The following RRM2 variants were observed in gnomAD, a reference collection of about 807,000 sequenced individuals.
RRM2 encodes ribonucleotide reductase regulatory subunit M2.
Under a neutral mutation model 45.9 loss-of-function variants are expected in RRM2, and 6 were observed. The ratio of observed to expected loss-of-function variants is 0.13; its 90% CI spans 0.07 to 0.26. The LOEUF (loss-of-function observed/expected upper bound fraction) is 0.26, where lower values mean the gene tolerates loss of function less well. Among genes scored for constraint, RRM2 ranks in the 10% least tolerant of loss-of-function variants. The pLI is 1.00. For synonymous variants in RRM2, 177 were observed against 173.0 expected, an observed-to-expected ratio of 1.02 and a Z score of -0.18; for missense variants, 343 against 489.5, an observed-to-expected ratio of 0.70 and a Z score of 2.82.
At position 10,195,314 on chromosome 2, in the gene RRM2, G is replaced by C. The variant is rs183284936; in HGVS notation, n.483-14997G>C. 5.3e-5 allele frequency among the ~76,000 whole-genome samples: 8 copies of C among 152,288 alleles called. No homozygotes were observed. Among genetic ancestry groups the C allele is most frequent in the African/African-American group, 1.9e-4 (8 of 41,566 alleles). On this transcript the variant is annotated intron_variant and non_coding_transcript_variant, in intron 3 of 3. Transcript: ENST00000381786. This position sits in a 1 kb window ranked among gnomAD's most constrained non-coding sequence, Gnocchi z 4.9. ...GGCAGCGGCTCAGGTGGTCCCAGGAGGATGGGTGGGGTTCGGAGGCAGAGG... is the reference window on the plus strand; with the variant it reads ...GGCAGCGGCTCAGGTGGTCCCAGGACGATGGGTGGGGTTCGGAGGCAGAGG...
upstream of RRM2, chr2:10,122,686 C>T (rs72542784): frequency 4.5e-6 from 7 of 1,550,606 alleles, no homozygotes; most frequent in East Asian, 1.2e-4. Flanking sequence ...ATGGGAAGGG[C>T]CGGGAGCGCG....
At chr2:10,156,340 C>G (rs1663426879) in intron 3 of RRM2, 1 of 152,196 alleles carries the variant, frequency 6.6e-6, no homozygotes, top group African/African-American at 2.4e-5. Context: ...GACAAGCTTG[C>G]TATAATGGAT....
At chr2:10,209,772 G>A (rs188012941) in intron 3 of RRM2, among the ~76,000 whole-genome samples, 31 of 152,308 alleles carry the variant, frequency 2.0e-4, no homozygotes, top group Admixed American at 5.2e-4. Context: ...AGCCAGAGAC[G>A]GATACAATCT....
At chr2:10,167,485 C>T (rs2125321105) in intron 3 of RRM2, among the ~76,000 whole-genome samples, 2 of 152,232 alleles carry the variant, frequency 1.3e-5, no homozygotes, top group East Asian at 3.9e-4. Flanking sequence ...GATGTGGTAG[C>T]TGGTGAGTGT....
rs1361617018 is a variant in RRM2 at position 10,172,627 on chromosome 2, T to A, written n.482+30252T>A. Reference sequence around the variant, plus strand: ...GCCCTCCGCATGGCATTAGAGAACATTCGCCTCCTGCTGGGTCGGCCCCTT... The same window carrying A: ...GCCCTCCGCATGGCATTAGAGAACAATCGCCTCCTGCTGGGTCGGCCCCTT... On this transcript the variant is annotated intron_variant and non_coding_transcript_variant, in intron 3 of 3. Coordinates refer to the RRM2 transcript ENST00000381786. The surrounding 1 kb of genome is among the most constrained non-coding windows in gnomAD (Gnocchi z 4.9). 6.6e-6 allele frequency among the ~76,000 whole-genome samples: 1 copy of A among 152,174 alleles called. No individual in the cohort carries two copies. Among genetic ancestry groups the A allele is most frequent in the Non-Finnish European group, 1.5e-5 (1 of 68,026 alleles).
chr2:10,193,381 G>C (rs1013465142), intron 3 of RRM2, among the ~76,000 whole-genome samples: 60 of 152,168 alleles, frequency 3.9e-4, no homozygotes, highest in African/African-American at 1.3e-3. Flanking sequence ...TCCTTCTCAC[G>C]AGGCTCTGTG....
In RRM2 at chr2:10,205,414, G is replaced by T. The variant is rs1664644938; in HGVS notation, n.483-4897G>T. 6.6e-6 allele frequency among the ~76,000 whole-genome samples: 1 copy of T among 152,182 alleles called. No homozygotes were observed. The highest frequency in any genetic ancestry group is 3.2e-3 in the Middle Eastern group (1 of 316). ...TCAGACTCAAGTCCAGCTTATTGGG[G>T]CTTATGAAGACTTCCACCTCATACA... is the stretch of plus-strand genomic sequence containing the variant. On this transcript the variant is annotated intron_variant and non_coding_transcript_variant, in intron 3 of 3. Transcript: ENST00000381786. The surrounding 1 kb of genome is among the most constrained non-coding windows in gnomAD (Gnocchi z 4.8).
rs1274370561 is a variant in RRM2, at chr2:10,126,929, C to T, written c.624C>T (p.Asp208=). ...ETMPCVKKKA[D]WALRWIGDKE... ...TGCCTTGTGTCAAGAAGAAGGCAGA[C>T]TGGGCCTTGCGCTGGATTGGGGACA... The change falls in exon 6 of 10, where the codon GAC becomes GAT. Residue 208 remains aspartate, a synonymous_variant. Coordinates refer to ENST00000304567, the MANE Select transcript of RRM2 (RefSeq NM_001034.4). The T allele has an allele frequency of 1.9e-6, 3 of 1,614,060 alleles. No homozygotes were observed. Among genetic ancestry groups the T allele is most frequent in the African/African-American group, 2.7e-5 (2 of 74,930 alleles).
At chr2:10,162,303 C>T (rs1453453563) in intron 3 of RRM2, among the ~76,000 whole-genome samples, 6 of 152,154 alleles carry the variant, frequency 3.9e-5, no homozygotes, top group South Asian at 2.1e-4. Flanking sequence ...TCAATCAAAA[C>T]GCTGCCACAG....
In RRM2 at chr2:10,131,281, C is replaced by A. The variant is rs1230269719; in HGVS notation, c.*1895C>A. 6.6e-6 allele frequency: 1 copy of A among 152,178 alleles called. No homozygotes were observed. The highest frequency in any genetic ancestry group is 1.5e-5 in the Non-Finnish European group (1 of 68,038). The allele number at this position is 152,178 out of a possible 1,614,324, so 9.4% of individuals were successfully genotyped here. A position where few individuals can be genotyped will look rare whatever the true frequency, so the allele number is the denominator to read the frequency against. ...GTTTTAGGATTCTGTCTCTCATTAG[C>A]TGAATAATGTGAGGATTAACTTCTG... On this transcript the variant is annotated 3_prime_UTR_variant, in exon 10 of 10. Coordinates refer to ENST00000304567, the MANE Select transcript of RRM2 (RefSeq NM_001034.4).
At chr2:10,173,643 G>T (rs769610173) in intron 3 of RRM2, among the ~76,000 whole-genome samples, 1 of 152,264 alleles carries the variant, frequency 6.6e-6, no homozygotes, top group Non-Finnish European at 1.5e-5. Context: ...GAAGGAGAGC[G>T]AGGAGAGAGG....
chr2:10,168,677 C>T (rs911629836), intron 3 of RRM2, among the ~76,000 whole-genome samples: 4 of 152,210 alleles, frequency 2.6e-5, no homozygotes, highest in African/African-American at 7.2e-5. Flanking sequence ...CTGGCCGGCT[C>T]CTCCACCTTC....
At chr2:10,173,078 C>T (rs951807971) in intron 3 of RRM2, among the ~76,000 whole-genome samples, 3 of 152,172 alleles carry the variant, frequency 2.0e-5, no homozygotes, top group African/African-American at 7.2e-5. Context: ...GAGCTCACCA[C>T]CTCCTAGTTG....
chr2:10,196,614 C>G (rs771863006), intron 3 of RRM2, among the ~76,000 whole-genome samples: 24 of 149,440 alleles, frequency 1.6e-4, no homozygotes, highest in Non-Finnish European at 3.1e-4. Flanking sequence ...TGTGTGGATC[C>G]CATGGGGGGC....
rs202195880 is a variant in RRM2, at chr2:10,124,900, A to G, written c.569+50A>G. ...GATTTTTAGGACTCACTAATTGTTG[A>G]TTTATTACACATTTTTAGTTCACCT... On this transcript the variant is annotated intron_variant, in intron 5 of 9. Transcript: ENST00000304567. The G allele has an allele frequency of 2.8e-4, 432 of 1,533,548 alleles. 2 individuals are homozygous for G. Among genetic ancestry groups the G allele is most frequent in the Middle Eastern group, 1.7e-4 (1 of 5,838 alleles). The allele number at this position is 1,533,548 out of a possible 1,614,324, so 95.0% of individuals were successfully genotyped here.
At chr2:10,174,426 G>A (rs78146327) in intron 3 of RRM2, among the ~76,000 whole-genome samples, 1,653 of 152,260 alleles carry the variant, frequency 0.011, 24 homozygotes, top group African/African-American at 0.037. Context: ...CCCCGGGTAG[G>A]TGAAGCTCTC....
chr2:10,160,967 C>G (rs1047551337), intron 3 of RRM2, among the ~76,000 whole-genome samples: 27 of 152,250 alleles, frequency 1.8e-4, no homozygotes, highest in Middle Eastern at 3.2e-3. Flanking sequence ...TGTTTCCTAG[C>G]TGGTCGCTCC....
rs1664345254 is a variant in RRM2, at chr2:10,193,118, T to G, written n.483-17193T>G. Among the ~76,000 whole-genome samples, 3 of 152,086 alleles carry G rather than the reference T, an allele frequency of 2.0e-5. No homozygotes were observed. The South Asian group carries it at 6.2e-4, about 32-fold the overall frequency. The stretch of plus-strand genomic sequence containing the variant: ...TAGGTGACAAGCCAGAAGCCTCAGG[T>G]GGCCTCCTTGTTTTGCCAGCCCTCC... On this transcript the variant is annotated intron_variant and non_coding_transcript_variant, in intron 3 of 3. Coordinates refer to the RRM2 transcript ENST00000381786.
chr2:10,122,925 C>G, intron 1 of RRM2, 28 bp downstream of exon 1: 1 of 1,555,468 alleles, frequency 6.4e-7, no homozygotes, highest in Non-Finnish European at 8.7e-7. Flanking sequence ...GCGCTGCGGG[C>G]AGGGGAGGGA....
Sources: gnomAD v4.1 joint callset for allele counts (sites outside exome capture counted in the v4.1 genomes callset) on GRCh38, gnomAD v4.1.1 for gene constraint, Gnocchi (gnomAD v3.1) non-coding constraint, MANE v1.5 for transcripts, NCBI Gene and HGNC (gene_info 2026-07-23, HGNC 2026-07-21) for gene names.